The following MAPK13 variants were observed in gnomAD, a reference collection of about 807,000 sequenced individuals.
MAPK13 encodes mitogen-activated protein kinase 13, also known as MAP kinase 13.
A neutral mutation model predicts 53.5 loss-of-function variants in MAPK13; 39 were observed. That is an observed-to-expected ratio of 0.73 (90% CI 0.56 to 0.95). The LOEUF (loss-of-function observed/expected upper bound fraction) is 0.95, where lower values mean the gene tolerates loss of function less well. MAPK13 is among the 40% of genes least tolerant of loss of function. The probability of loss-of-function intolerance (pLI) is 0.00; values close to 1 mark genes in which losing one functional copy is unlikely to be tolerated. For missense variants in MAPK13, 460 were observed against 471.8 expected, an observed-to-expected ratio of 0.98 and a Z score of 0.23; for synonymous variants, 179 against 190.9, an observed-to-expected ratio of 0.94 and a Z score of 0.51.
intron 5 of MAPK13, 93 bp downstream of exon 5, chr6:36,136,141 G>T: frequency 6.7e-7 from 1 of 1,488,498 alleles, no homozygotes; most frequent in East Asian, 2.3e-5. Flanking sequence ...AAGTTGGAGG[G>T]AGGGGACACT....
Position 36,144,247 on chromosome 6 carries a change from A to AAAT in MAPK13, c.*4876_*4878dup, listed in dbSNP as rs1766589470. The AAAT allele has an allele frequency of 6.6e-6, 1 of 152,218 alleles. No individual in the cohort carries two copies. 9.4% of individuals were successfully genotyped at this position (152,218 alleles called of 1,614,324 possible). On this transcript the variant is annotated 3_prime_UTR_variant, in exon 12 of 12. Transcript: ENST00000211287. ...TAGTTATATTTATATACAGTTGTCA[A>AAAT]AATATTTTTAAAATGTATAACGTGA...
Position 36,141,367 on chromosome 6 carries a change from A to T in MAPK13, c.*1994A>T, listed in dbSNP as rs1369542915. On this transcript the variant is annotated 3_prime_UTR_variant, in exon 12 of 12. Transcript: ENST00000211287. ...AACCTCTATACTTTCTACCAACCTAAAACTGCTCTAAAAAATAAACCACAG... is the reference window on the plus strand; with the variant it reads ...AACCTCTATACTTTCTACCAACCTATAACTGCTCTAAAAAATAAACCACAG... 1.3e-5 allele frequency: 2 copies of T among 152,152 alleles called. No homozygotes were observed. Among genetic ancestry groups the T allele is most frequent in the Non-Finnish European group, 2.9e-5 (2 of 68,042 alleles). The allele number at this position is 152,152 out of a possible 1,614,324, so 9.4% of individuals were successfully genotyped here. A position where few individuals can be genotyped will look rare whatever the true frequency, so the allele number is the denominator to read the frequency against.
intron 11 of MAPK13, 92 bp from the exon 12 acceptor site, chr6:36,139,202 C>CTG (rs1766484500): frequency 6.9e-7 from 1 of 1,441,948 alleles, no homozygotes; most frequent in Non-Finnish European, 9.7e-7. Flanking sequence ...TCTCCTTGAG[C>CTG]TGACTTCGCT....
rs1371865480 is a variant in MAPK13 at position 36,138,490 on chromosome 6, C to T, written c.762+46C>T. The stretch of plus-strand genomic sequence containing the variant: ...AGGCTGGCCTGGGCTGTGTGCTTGC[C>T]TGACGTGGGCCCAGTGGGCTGCAGG... On this transcript the variant is annotated intron_variant, in intron 9 of 11. Transcript: ENST00000211287. The T allele has an allele frequency of 2.5e-6, 4 of 1,581,456 alleles. No homozygotes were observed. In the Admixed American group the frequency reaches 6.9e-5, roughly 27 times the overall value.
At chr6:36,134,981 C>T (rs1766387424) in intron 3 of MAPK13, among the ~76,000 whole-genome samples, 1 of 152,146 alleles carries the variant, frequency 6.6e-6, no homozygotes, top group Admixed American at 6.5e-5. Context: ...CGCCACTGCA[C>T]TCTAGCCTGG....
rs753873654 is a variant in MAPK13, at chr6:36,138,860, C to G, written c.842-19C>G. On this transcript the variant is annotated intron_variant, in intron 10 of 11. Coordinates refer to ENST00000211287, the MANE Select transcript of MAPK13 (RefSeq NM_002754.5). The stretch of plus-strand genomic sequence containing the variant: ...CTCTCCCAGCCCCTGGTGTGAGGCT[C>G]TTGGCTCTGCCCCTGCAGCTGCGGA... The G allele has an allele frequency of 6.2e-7, 1 of 1,611,374 alleles. No homozygotes were observed. The highest frequency in any genetic ancestry group is 1.3e-5 in the African/African-American group (1 of 74,802).
rs535527415 is a variant in MAPK13, at chr6:36,140,623, A to G, written c.*1250A>G. The G allele has an allele frequency of 7.9e-5, 12 of 152,766 alleles. No individual in the cohort carries two copies. Among genetic ancestry groups the G allele is most frequent in the African/African-American group, 2.9e-4 (12 of 41,570 alleles). 9.5% of individuals were successfully genotyped at this position (152,766 alleles called of 1,614,324 possible). On this transcript the variant is annotated 3_prime_UTR_variant, in exon 12 of 12. Transcript: ENST00000211287. ...GACCCAAGCCTAGTGATTCTGATGG[A>G]TATCAGACCATAGTTCGAGACATTT...
Position 36,142,373 on chromosome 6 carries a change from CCCGTGCG to C in MAPK13, c.*3001_*3007del, listed in dbSNP as rs1286136343. ...AAGTAGGCTTGGCCTTCTTTTAGTG[CCCGTGCG>C]TGGAAGGCCCTCCATTCTCCTCTCC... On this transcript the variant is annotated 3_prime_UTR_variant, in exon 12 of 12. Transcript: ENST00000211287. This position sits in a 1 kb window ranked among gnomAD's most constrained non-coding sequence, Gnocchi z 4.4. 1.3e-5 allele frequency: 2 copies of C among 152,462 alleles called. No individual in the cohort carries two copies. The highest frequency in any genetic ancestry group is 4.8e-5 in the African/African-American group (2 of 41,454). The allele number at this position is 152,462 out of a possible 1,614,324, so 9.4% of individuals were successfully genotyped here. A position where few individuals can be genotyped will look rare whatever the true frequency, so the allele number is the denominator to read the frequency against.
At chr6:36,137,095 C>T (rs937369739) in intron 8 of MAPK13, 145 bp downstream of exon 8, 18 of 714,598 alleles carry the variant, frequency 2.5e-5, no homozygotes, top group African/African-American at 5.3e-5. Context: ...TAAGGCTGGA[C>T]GCAGTGGTTC....
chr6:36,135,626 A>G, intron 3 of MAPK13, 127 bp from the exon 4 acceptor site: 1 of 599,372 alleles, frequency 1.7e-6, no homozygotes, highest in South Asian at 2.2e-5. Context: ...GCTGAGGTGG[A>G]GTTGAGTTTT....
chr6:36,134,361 A>G (rs760326096), intron 3 of MAPK13, among the ~76,000 whole-genome samples: 1 of 152,202 alleles, frequency 6.6e-6, no homozygotes, highest in Non-Finnish European at 1.5e-5. Context: ...AACCTATTAC[A>G]TAATTGTTTA....
chr6:36,141,157 C>T lies in MAPK13; in HGVS notation c.*1784C>T, dbSNP rs996866511. The T allele has an allele frequency of 6.6e-6, 1 of 152,062 alleles. No individual in the cohort carries two copies. Among genetic ancestry groups the T allele is most frequent in the Non-Finnish European group, 1.5e-5 (1 of 68,026 alleles). 9.4% of individuals were successfully genotyped at this position (152,062 alleles called of 1,614,324 possible). A position where few individuals can be genotyped will look rare whatever the true frequency, so the allele number is the denominator to read the frequency against. On this transcript the variant is annotated 3_prime_UTR_variant, in exon 12 of 12. Transcript: ENST00000211287. ...TGTATAATACTGTAATGGTGGATACCTATTGTGCATTTGTTACCATCTGTA... is the reference window on the plus strand; with the variant it reads ...TGTATAATACTGTAATGGTGGATACTTATTGTGCATTTGTTACCATCTGTA...
chr6:36,139,416 G>T lies in MAPK13; in HGVS notation c.*43G>T, dbSNP rs1205520054. The stretch of plus-strand genomic sequence containing the variant: ...CACCGCCGGCCAGACACTGCCCAAG[G>T]ACCAGTATTTGTCACTACCAAACTC... On this transcript the variant is annotated 3_prime_UTR_variant, in exon 12 of 12. Coordinates refer to ENST00000211287, the MANE Select transcript of MAPK13 (RefSeq NM_002754.5). The T allele has an allele frequency of 6.5e-7, 1 of 1,543,912 alleles. No individual in the cohort carries two copies. The highest frequency in any genetic ancestry group is 9.0e-7 in the Non-Finnish European group (1 of 1,116,628).
Position 36,139,038 on chromosome 6 carries a change from C to A in MAPK13, c.1001C>A (p.Thr334Lys), listed in dbSNP as rs1434021367. 1.2e-6 allele frequency: 2 copies of A among 1,602,642 alleles called. No individual in the cohort carries two copies. Among genetic ancestry groups the A allele is most frequent in the Middle Eastern group, 3.3e-4 (2 of 5,988 alleles). Reference protein sequence around the residue: ...FDDSLEHEKLTVDEWKQHIYK... With the variant: ...FDDSLEHEKLKVDEWKQHIYK... ...GATTCCTTAGAACACGAGAAACTCACAGTGGATGAATGGAAGCGTAAGAGC... is the reference window on the plus strand; with the variant it reads ...GATTCCTTAGAACACGAGAAACTCAAAGTGGATGAATGGAAGCGTAAGAGC... The change falls in exon 11 of 12, where the codon ACA becomes AAA. Residue 334 changes from threonine to lysine, a missense_variant. Physicochemically the swap from Thr to Lys is moderately conservative, Grantham distance 78. Transcript: ENST00000211287.
In MAPK13 at chr6:36,132,824, G is replaced by C. The variant is rs1182936131; in HGVS notation, c.308+145G>C. 3.5e-6 allele frequency: 3 copies of C among 866,958 alleles called. No individual in the cohort carries two copies. The Admixed American group carries it at 5.7e-5, about 16-fold the overall frequency. 53.7% of individuals were successfully genotyped at this position (866,958 alleles called of 1,614,324 possible). ...GCAGTCCTGTGCCTTTGCCTGTCAA[G>C]TGTGATTCTCTCTGGAAAGATGCTT... On this transcript the variant is annotated intron_variant, in intron 3 of 11. Coordinates refer to ENST00000211287, the MANE Select transcript of MAPK13 (RefSeq NM_002754.5).
Position 36,130,697 on chromosome 6 carries a change from G to T in MAPK13, c.115G>T (p.Val39Leu). Reference protein sequence around the residue: ...THVGSGAYGSVCSAIDKRSGE... With the variant: ...THVGSGAYGSLCSAIDKRSGE... ...CGTCGGCAGCGGGGCCTATGGCTCC[G>T]TGTGGTGAGACCCCTGGGCCGCTGG... is the stretch of plus-strand genomic sequence containing the variant. The change falls in exon 1 of 12, where the codon GTG becomes TTG. Residue 39 changes from valine (V) to leucine (L), a missense_variant. Physicochemically the swap from Val to Leu is conservative, Grantham distance 32. Transcript: ENST00000211287. This position sits in a 1 kb window ranked among gnomAD's most constrained non-coding sequence, Gnocchi z 4.5. 1.4e-6 allele frequency: 2 copies of T among 1,440,150 alleles called. No homozygotes were observed. Among genetic ancestry groups the T allele is most frequent in the Non-Finnish European group, 1.9e-6 (2 of 1,050,098 alleles). 89.2% of individuals were successfully genotyped at this position (1,440,150 alleles called of 1,614,324 possible).
rs1291674011 is a variant in MAPK13 at position 36,132,660 on chromosome 6, C to T, written c.289C>T (p.Leu97=). Residue 97 remains leucine (L), a synonymous_variant, in exon 3 of 12, where the codon CTG becomes TTG. Coordinates refer to ENST00000211287, the MANE Select transcript of MAPK13 (RefSeq NM_002754.5). Reference sequence around the variant, plus strand: ...GGATGTCTTCACCCCAGCCTCCTCCCTGCGCAACTTCTATGACTTGTGAGT... The same window carrying T: ...GGATGTCTTCACCCCAGCCTCCTCCTTGCGCAACTTCTATGACTTGTGAGT... ...LLDVFTPASS[L]RNFYDFYLVM... 1 of 1,614,236 alleles carries T rather than the reference C, an allele frequency of 6.2e-7. No homozygotes were observed. The highest frequency in any genetic ancestry group is 1.1e-5 in the South Asian group (1 of 91,090).
chr6:36,135,997 C>A, intron 4 of MAPK13, 22 bp from the exon 5 acceptor site: 1 of 1,614,034 alleles, frequency 6.2e-7, no homozygotes, highest in Non-Finnish European at 8.5e-7. Context: ...CATGGACTCA[C>A]CCTTCTCTCT....
chr6:36,131,026 GA>G, intron 1 of MAPK13: 1 of 547,768 alleles, frequency 1.8e-6, no homozygotes, highest in Non-Finnish European at 3.2e-6. Flanking sequence ...GTTGCAGACA[GA>G]GTGAGACTCC....
Sources: gnomAD v4.1 joint callset for allele counts (sites outside exome capture counted in the v4.1 genomes callset) on GRCh38, gnomAD v4.1.1 for gene constraint, Gnocchi (gnomAD v3.1) non-coding constraint, MANE v1.5 for transcripts, NCBI Gene and HGNC (gene_info 2026-07-23, HGNC 2026-07-21) for gene names.